The following CABYR variants were observed in gnomAD, a reference collection of about 807,000 sequenced individuals.
The protein encoded by CABYR is calcium binding tyrosine phosphorylation regulated.
In CABYR, 31 loss-of-function variants were observed where a neutral mutation model predicts 36.1. The observed-to-expected ratio is 0.86, with a 90% confidence interval of 0.64 to 1.16. CABYR has a LOEUF of 1.16. Among genes scored for constraint, CABYR ranks in the 50% most tolerant of loss-of-function variants. The pLI is 0.00. For missense variants in CABYR, 429 were observed against 455.8 expected, an observed-to-expected ratio of 0.94 and a Z score of 0.53; for synonymous variants, 146 against 160.7, an observed-to-expected ratio of 0.91 and a Z score of 0.69.
chr18:24,149,154 T>C (rs2085537989), intron 3 of CABYR, among the ~76,000 whole-genome samples: 1 of 152,094 alleles, frequency 6.6e-6, no homozygotes, highest in East Asian at 1.9e-4. Context: ...CCAGAGTAGC[T>C]AGATACAGAG....
At position 24,161,599 on chromosome 18, in the gene CABYR, T is replaced by C. The variant is rs1356497940; in HGVS notation, c.*83T>C. On this transcript the variant is annotated 3_prime_UTR_variant, in exon 6 of 6. Transcript: ENST00000399496. The stretch of plus-strand genomic sequence containing the variant: ...TGTATCAATAAACTTCATGCAAGCA[T>C]ACAATTTTGTATTGCTTTTTTTTGT... 3 of 764,650 alleles carry C rather than the reference T, an allele frequency of 3.9e-6. No homozygotes were observed. Among genetic ancestry groups the C allele is most frequent in the Admixed American group, 3.5e-5 (2 of 57,088 alleles). 47.4% of individuals were successfully genotyped at this position (764,650 alleles called of 1,614,324 possible).
intron 1 of CABYR, among the ~76,000 whole-genome samples, chr18:24,142,405 T>C (rs1232009400): frequency 6.6e-6 from 1 of 152,198 alleles, no homozygotes; most frequent in African/African-American, 2.4e-5. Context: ...TTGTAACTGT[T>C]TGATGAATAT....
At chr18:24,153,972 A>G (rs2083942) in intron 3 of CABYR, among the ~76,000 whole-genome samples, 148,260 of 151,586 alleles carry the variant, frequency 0.98, 72,590 homozygotes, top group East Asian at 1. Flanking sequence ...GCATGGTGGC[A>G]GGTGCCCATA....
At chr18:24,152,506 T>A (rs950877390) in intron 3 of CABYR, 1 of 152,250 alleles carries the variant, frequency 6.6e-6, no homozygotes, top group Non-Finnish European at 1.5e-5. Context: ...GGTAAATTGT[T>A]AAGGATTCAT....
intron 1 of CABYR, among the ~76,000 whole-genome samples, chr18:24,141,608 T>C (rs952821677): frequency 2.0e-5 from 3 of 152,216 alleles, no homozygotes; most frequent in Non-Finnish European, 4.4e-5. Context: ...ATGGCATGCA[T>C]TGGAGTGCTA....
intron 5 of CABYR, 141 bp from the exon 6 acceptor site, chr18:24,161,375 G>A: frequency 1.7e-6 from 1 of 576,026 alleles, no homozygotes; most frequent in Non-Finnish European, 3.2e-6. Context: ...GGATATTTCA[G>A]TGCAAAAGCC....
At chr18:24,141,711 A>AT (rs1252224135) in intron 1 of CABYR, among the ~76,000 whole-genome samples, 1 of 152,052 alleles carries the variant, frequency 6.6e-6, no homozygotes, top group African/African-American at 2.4e-5. Flanking sequence ...GCCTTAGGTG[A>AT]TTTTTTAGGA....
Position 24,159,980 on chromosome 18 carries a change from C to A in CABYR, c.1050C>A (p.Asp350Glu). Residue 350 changes from aspartate to glutamate, a missense_variant, in exon 5 of 6, where the codon GAC becomes GAA. Transcript: ENST00000399496. ...DVAKKSSGSG[D>E]KCAPFGSYGI... ...CTAAAAAAAGTTCAGGATCTGGTGA[C>A]AAATGTGCTCCCTTTGGAAGTTACG... 2 of 1,614,130 alleles carry A rather than the reference C, an allele frequency of 1.2e-6. No homozygotes were observed. Among genetic ancestry groups the A allele is most frequent in the Non-Finnish European group, 1.7e-6 (2 of 1,180,032 alleles).
intron 3 of CABYR, among the ~76,000 whole-genome samples, chr18:24,146,236 T>C (rs1224084558): frequency 6.6e-6 from 1 of 151,980 alleles, no homozygotes; most frequent in African/African-American, 2.4e-5. Flanking sequence ...TTCAACAGAG[T>C]TAGAAACTAC....
intron 4 of CABYR, chr18:24,157,141 CTT>C (rs2085811942): frequency 1.5e-6 from 1 of 647,366 alleles, no homozygotes; most frequent in Non-Finnish European, 2.7e-6. Flanking sequence ...CATTTAAAGA[CTT>C]TGTTGTATTT....
In CABYR at chr18:24,143,419, TACC is replaced by T; in HGVS notation, c.199+9_199+11del. 1 of 1,462,914 alleles carries T rather than the reference TACC, an allele frequency of 6.8e-7. No individual in the cohort carries two copies. The allele number at this position is 1,462,914 out of a possible 1,614,324, so 90.6% of individuals were successfully genotyped here. A position where few individuals can be genotyped will look rare whatever the true frequency, so the allele number is the denominator to read the frequency against. ...ACAATTTCATCAGATTAAAGGTAAG[TACC>T]ACAAGTAGTAATAGTTTTAATAATG... On this transcript the variant is annotated splice_region_variant and intron_variant, in intron 3 of 5. Coordinates refer to ENST00000399496, the MANE Select transcript of CABYR (RefSeq NM_153769.3).
At chr18:24,147,251 T>TGAA (rs1599377294) in intron 3 of CABYR, among the ~76,000 whole-genome samples, 1 of 14,486 alleles carries the variant, frequency 6.9e-5, no homozygotes, top group African/African-American at 3.0e-4. Flanking sequence ...AAACCATGTC[T>TGAA]CAAAAAAAAA....
At position 24,152,063 on chromosome 18, in the gene CABYR, A is replaced by G. The variant is rs1002423311; in HGVS notation, c.200-3638A>G. Among the ~76,000 whole-genome samples the G allele has an allele frequency of 1.1e-4, 17 of 152,220 alleles. 1 individual carries two copies. In the South Asian group the frequency reaches 2.5e-3, roughly 22 times the overall value. ...TCAGTTTTTAATTATGAAAAAGTCC[A>G]TAAGTATATAACACACACATATAAA... On this transcript the variant is annotated intron_variant, in intron 3 of 5. Coordinates refer to ENST00000399496, the MANE Select transcript of CABYR (RefSeq NM_153769.3).
intron 3 of CABYR, among the ~76,000 whole-genome samples, chr18:24,153,634 T>A (rs547170429): frequency 6.6e-6 from 1 of 152,288 alleles, no homozygotes; most frequent in African/African-American, 2.4e-5. Flanking sequence ...TCTTTTGAAA[T>A]CAGATTACTT....
intron 1 of CABYR, among the ~76,000 whole-genome samples, 176 bp downstream of exon 1, chr18:24,139,294 G>A (rs2145844794): frequency 6.6e-6 from 1 of 152,290 alleles, no homozygotes; most frequent in East Asian, 1.9e-4. Context: ...CAGACGGCCA[G>A]CTGCCGAATC....
intron 4 of CABYR, chr18:24,156,547 A>G (rs377165062): frequency 1.2e-6 from 2 of 1,614,208 alleles, no homozygotes; most frequent in Non-Finnish European, 1.7e-6. Flanking sequence ...TCTGTAGTAG[A>G]AAAGACCACC....
intron 1 of CABYR, among the ~76,000 whole-genome samples, chr18:24,142,851 T>C (rs373511321): frequency 5.3e-5 from 8 of 151,762 alleles, no homozygotes; most frequent in African/African-American, 1.9e-4. Context: ...GCTAACACGG[T>C]GAAACCCTGG....
At chr18:24,140,631 A>G (rs2085294028) in intron 1 of CABYR, among the ~76,000 whole-genome samples, 1 of 152,112 alleles carries the variant, frequency 6.6e-6, no homozygotes, top group South Asian at 2.1e-4. Context: ...TGTGCTTTCA[A>G]GTAGTAGGTT....
chr18:24,160,550 C>CAACA (rs1005375245), intron 5 of CABYR, among the ~76,000 whole-genome samples: 2 of 152,132 alleles, frequency 1.3e-5, no homozygotes, highest in African/African-American at 4.8e-5. Flanking sequence ...AAGAGCTAAA[C>CAACA]AACAGCTGAG....
Sources: allele counts gnomAD v4.1 joint callset (sites outside exome capture counted in the v4.1 genomes callset), GRCh38; gene constraint gnomAD v4.1.1; transcripts MANE v1.5; gene names NCBI Gene and HGNC (gene_info 2026-07-23, HGNC 2026-07-21).